The following CSMD1 variants were observed in gnomAD, a reference collection of about 807,000 sequenced individuals.
CSMD1 encodes CUB and sushi domain-containing protein 1.
A neutral mutation model predicts 417.5 loss-of-function variants in CSMD1; 213 were observed. That is an observed-to-expected ratio of 0.51 (90% CI 0.46 to 0.57). The LOEUF is 0.57. Ranked by LOEUF, CSMD1 falls within the 20% of genes least tolerant of loss-of-function variation. The pLI, the probability that CSMD1 is intolerant of heterozygous loss-of-function variation, is 0.00. For synonymous variants in CSMD1, 2,862 were observed against 1,736.8 expected (o/e 1.65, Z -16.11); for missense variants, 6,923 against 4,529.7 (o/e 1.53, Z -15.17).
At chr8:3,668,143 C>T (rs1027591675) in intron 7 of CSMD1, among the ~76,000 whole-genome samples, 11 of 152,080 alleles carry the variant, frequency 7.2e-5, no homozygotes, top group South Asian at 2.1e-4. Flanking sequence ...GGACAGATAA[C>T]GAATCTACAG....
chr8:3,312,977 T>G (rs1805466132), intron 23 of CSMD1, among the ~76,000 whole-genome samples: 9 of 152,232 alleles, frequency 5.9e-5, no homozygotes, highest in Admixed American at 5.9e-4. Flanking sequence ...AATCATTGTT[T>G]CCTAAAAATG....
intron 50 of CSMD1, among the ~76,000 whole-genome samples, chr8:3,049,407 G>T (rs978367234): frequency 1.3e-5 from 2 of 152,094 alleles, no homozygotes; most frequent in Non-Finnish European, 2.9e-5. Flanking sequence ...GTACTAAAAA[G>T]AAATGAGAGC....
intron 12 of CSMD1, among the ~76,000 whole-genome samples, chr8:3,416,936 C>T (rs1159691042): frequency 6.6e-6 from 1 of 152,222 alleles, no homozygotes; most frequent in Non-Finnish European, 1.5e-5. Context: ...AAATTAGGTT[C>T]ACCCATAGTC....
In CSMD1 at chr8:4,176,865, A is replaced by G. The variant is rs1448592325; in HGVS notation, c.416-144766T>C. On this transcript the variant is annotated intron_variant, in intron 3 of 69. Transcript: ENST00000635120. Reference sequence around the variant, plus strand: ...TACATAATGGTAAAGGGATCAATTCAACAAGAAGAGCTAACTATCCTAAAT... The same window carrying G: ...TACATAATGGTAAAGGGATCAATTCGACAAGAAGAGCTAACTATCCTAAAT... Among the ~76,000 whole-genome samples, 33 of 148,628 alleles carry G rather than the reference A, an allele frequency of 2.2e-4. 1 individual carries two copies. The Admixed American group carries it at 2.2e-3, about 10-fold the overall frequency.
intron 40 of CSMD1, among the ~76,000 whole-genome samples, chr8:3,150,757 G>C (rs144087508): frequency 6.6e-6 from 1 of 152,210 alleles, no homozygotes; most frequent in East Asian, 1.9e-4. Context: ...GAAACCAGGA[G>C]GCAGACAGGG....
At chr8:3,941,851 T>C (rs1156897949) in intron 5 of CSMD1, among the ~76,000 whole-genome samples, 1 of 151,994 alleles carries the variant, frequency 6.6e-6, no homozygotes, top group Non-Finnish European at 1.5e-5. Flanking sequence ...ACCAAAAGGG[T>C]CCCCAACCCT....
At chr8:4,406,524 C>A (rs947734122) in intron 3 of CSMD1, among the ~76,000 whole-genome samples, 5 of 152,168 alleles carry the variant, frequency 3.3e-5, no homozygotes, top group African/African-American at 1.2e-4. Context: ...TATTACTTTT[C>A]ATTCTAAGAA....
chr8:4,264,793 C>G lies in CSMD1; in HGVS notation c.415+155160G>C, dbSNP rs181301805. Among the ~76,000 whole-genome samples, 3 of 152,242 alleles carry G rather than the reference C, an allele frequency of 2.0e-5. No homozygotes were observed. The East Asian group carries it at 5.8e-4, about 29-fold the overall frequency. On this transcript the variant is annotated intron_variant, in intron 3 of 69. Coordinates refer to ENST00000635120, the MANE Select transcript of CSMD1 (RefSeq NM_033225.6). ...GCCATTTTTGCGCCATAAACTTGGACAAGTTAATTCTTCTTGTTGTGCCTC... is the reference window on the plus strand; with the variant it reads ...GCCATTTTTGCGCCATAAACTTGGAGAAGTTAATTCTTCTTGTTGTGCCTC...
At chr8:4,771,016 G>T (rs548796049) in intron 1 of CSMD1, among the ~76,000 whole-genome samples, 22 of 152,114 alleles carry the variant, frequency 1.4e-4, no homozygotes, top group African/African-American at 4.1e-4. Flanking sequence ...AAATGAAAAG[G>T]CAACTTACAG....
In CSMD1 at chr8:4,750,064, T is replaced by TA. The variant is rs1461733035; in HGVS notation, c.86-112507_86-112506insT. ...CTCTGTCGCCCAGGCTGGAGTGCAG[T>TA]GGGCGATCTCGGCTCACCGCAAGCT... On this transcript the variant is annotated intron_variant, in intron 1 of 69. Transcript: ENST00000635120. 8.6e-5 allele frequency among the ~76,000 whole-genome samples: 13 copies of TA among 150,532 alleles called. No homozygotes were observed. The South Asian group carries it at 2.7e-3, about 32-fold the overall frequency.
chr8:4,110,483 T>A (rs952294489), intron 3 of CSMD1, among the ~76,000 whole-genome samples: 2 of 152,182 alleles, frequency 1.3e-5, no homozygotes, highest in African/African-American at 4.8e-5. Context: ...CCAAGAAATG[T>A]TAACTTTTCA....
chr8:4,209,938 C>T (rs970527323), intron 3 of CSMD1, among the ~76,000 whole-genome samples: 1 of 152,168 alleles, frequency 6.6e-6, no homozygotes, highest in Non-Finnish European at 1.5e-5. Context: ...CTGGGTGTTG[C>T]TATGACAATG....
chr8:3,968,845 G>A (rs1812870224), intron 5 of CSMD1, among the ~76,000 whole-genome samples: 1 of 152,142 alleles, frequency 6.6e-6, no homozygotes, highest in Admixed American at 6.5e-5. Context: ...TTGGCTGCTG[G>A]TTATATTCGA....
chr8:3,363,639 T>C (rs1164117310), intron 20 of CSMD1, among the ~76,000 whole-genome samples: 3 of 152,170 alleles, frequency 2.0e-5, no homozygotes, highest in African/African-American at 7.2e-5. Context: ...TCCATTCTCC[T>C]GCCTCAGTCT....
At chr8:4,390,554 C>T (rs1431096664) in intron 3 of CSMD1, among the ~76,000 whole-genome samples, 1 of 69,162 alleles carries the variant, frequency 1.4e-5, no homozygotes, top group Non-Finnish European at 3.2e-5. Flanking sequence ...TGCTCTGTTG[C>T]CCAGGCTGGA....
chr8:4,854,390 G>T (rs2164899), intron 1 of CSMD1, among the ~76,000 whole-genome samples: 38,711 of 152,016 alleles, frequency 0.25, 5,441 homozygotes, highest in Non-Finnish European at 0.32. Context: ...GTTTAGAAGC[G>T]TGTGCCACTC....
chr8:3,883,458 A>G (rs1030722830), intron 5 of CSMD1, among the ~76,000 whole-genome samples: 3 of 152,160 alleles, frequency 2.0e-5, no homozygotes, highest in African/African-American at 7.2e-5. Flanking sequence ...ATGCTCGTGT[A>G]TAAGTGTGTA....
At chr8:3,644,159 C>T (rs949247279) in intron 7 of CSMD1, among the ~76,000 whole-genome samples, 2 of 152,132 alleles carry the variant, frequency 1.3e-5, no homozygotes, top group African/African-American at 2.4e-5. Context: ...AATGTTAGGC[C>T]CCCAATGTAG....
chr8:3,616,111 T>C (rs1290168686), intron 8 of CSMD1, among the ~76,000 whole-genome samples: 1 of 152,200 alleles, frequency 6.6e-6, no homozygotes, highest in African/African-American at 2.4e-5. Flanking sequence ...TTACCTTCTA[T>C]CTTTAAACAT....
Sources: allele counts gnomAD v4.1 joint callset (sites outside exome capture counted in the v4.1 genomes callset), GRCh38; gene constraint gnomAD v4.1.1; transcripts MANE v1.5; gene names NCBI Gene and HGNC (gene_info 2026-07-23, HGNC 2026-07-21).